The following MINK1 variants were observed in gnomAD, a reference collection of about 807,000 sequenced individuals.
MINK1 encodes misshapen-like kinase 1.
In MINK1, 46 loss-of-function variants were observed where a neutral mutation model predicts 178.4. That is an observed-to-expected ratio of 0.26 (90% CI 0.20 to 0.33). The LOEUF (loss-of-function observed/expected upper bound fraction) is 0.33, where lower values mean the gene tolerates loss of function less well. Ranked by LOEUF, MINK1 falls within the 10% of genes least tolerant of loss-of-function variation. The pLI is 1.00. For synonymous variants in MINK1, 797 were observed against 709.7 expected (o/e 1.12, Z -1.96); for missense variants, 1,366 against 1,814.9 (o/e 0.75, Z 4.49).
chr17:4,833,490 G>C lies in MINK1; in HGVS notation c.-94G>C. 2 of 1,099,886 alleles carry C rather than the reference G, an allele frequency of 1.8e-6. No homozygotes were observed. The highest frequency in any genetic ancestry group is 2.9e-5 in the South Asian group (2 of 67,894). The allele number at this position is 1,099,886 out of a possible 1,614,324, so 68.1% of individuals were successfully genotyped here. On this transcript the variant is annotated 5_prime_UTR_variant, in exon 1 of 32. Transcript: ENST00000355280. This position sits in a 1 kb window ranked among gnomAD's most constrained non-coding sequence, Gnocchi z 4.8. ...GGGAGGCGCGGTGGAGTCCGCCCCCGGGGTTCTCCGATGGGGGAGAAGCGG... is the reference window on the plus strand; with the variant it reads ...GGGAGGCGCGGTGGAGTCCGCCCCCCGGGTTCTCCGATGGGGGAGAAGCGG...
At chr17:4,878,451 T>G (rs1967393517) in intron 2 of MINK1, 69 bp downstream of exon 2, 1 of 1,388,516 alleles carries the variant, frequency 7.2e-7, no homozygotes, top group Non-Finnish European at 9.8e-7. Context: ...TGGAAGGAAG[T>G]AGATTCCTGG....
In MINK1 at chr17:4,892,771, A is replaced by G. The variant is rs770809226; in HGVS notation, c.2311+3A>G. 9 of 1,600,374 alleles carry G rather than the reference A, an allele frequency of 5.6e-6. No individual in the cohort carries two copies. The highest frequency in any genetic ancestry group is 6.8e-6 in the Non-Finnish European group (8 of 1,173,340). ...ACTGGAGCGGAACCGCGTGGGAGGT[A>G]TGTGAGCCAGGGCTGGGCAGCCTGC... is the stretch of plus-strand genomic sequence containing the variant. On this transcript the variant is annotated splice_donor_region_variant and intron_variant, in intron 19 of 31. Transcript: ENST00000355280.
Position 4,887,538 on chromosome 17 carries a change from A to C in MINK1, c.1020-42A>C. On this transcript the variant is annotated intron_variant, in intron 11 of 31. Coordinates refer to ENST00000355280, the MANE Select transcript of MINK1 (RefSeq NM_153827.5). The surrounding 1 kb of genome is among the most constrained non-coding windows in gnomAD (Gnocchi z 7.6). ...CACGGGGTTGAGAGTGGGAACCAAC[A>C]GGGTTCTGACCCCAGTGCTTCTTTG... 6.9e-7 allele frequency: 1 copy of C among 1,453,000 alleles called. No homozygotes were observed. The highest frequency in any genetic ancestry group is 2.5e-5 in the East Asian group (1 of 39,960). 90.0% of individuals were successfully genotyped at this position (1,453,000 alleles called of 1,614,324 possible).
At chr17:4,864,963 C>T (rs545842083) in intron 1 of MINK1, among the ~76,000 whole-genome samples, 3 of 152,328 alleles carry the variant, frequency 2.0e-5, no homozygotes, top group Non-Finnish European at 4.4e-5. Context: ...TGGCACCCTG[C>T]ACTTCACAGC....
At chr17:4,860,715 C>G (rs776079282) in intron 1 of MINK1, 2 of 519,970 alleles carry the variant, frequency 3.8e-6, no homozygotes, top group Non-Finnish European at 7.7e-6. Flanking sequence ...AGCAAGGGCT[C>G]AAGGCTGGTG....
intron 1 of MINK1, among the ~76,000 whole-genome samples, chr17:4,869,892 A>G (rs917177839): frequency 1.4e-5 from 2 of 146,746 alleles, no homozygotes; most frequent in African/African-American, 5.0e-5. Flanking sequence ...GCTGGGGTGC[A>G]GTGGCGCAAT....
intron 1 of MINK1, among the ~76,000 whole-genome samples, chr17:4,853,879 C>T (rs1912603574): frequency 2.0e-5 from 3 of 152,024 alleles, no homozygotes; most frequent in Admixed American, 1.3e-4. Flanking sequence ...ACCTCCGCTG[C>T]CTGAAAGACT....
chr17:4,879,635 C>T (rs1453928817), intron 2 of MINK1, among the ~76,000 whole-genome samples: 1 of 152,200 alleles, frequency 6.6e-6, no homozygotes, highest in Admixed American at 6.5e-5. Flanking sequence ...TGCTCGTCCC[C>T]AGGAAGCCTT....
chr17:4,894,492 C>G lies in MINK1; in HGVS notation c.2809-33C>G. Reference sequence around the variant, plus strand: ...GGGCAGGGCCGCAGCTGGACTTGCACTTGTTTGCCTGACTGCTGTCCCCCT... The same window carrying G: ...GGGCAGGGCCGCAGCTGGACTTGCAGTTGTTTGCCTGACTGCTGTCCCCCT... On this transcript the variant is annotated intron_variant, in intron 23 of 31. Coordinates refer to ENST00000355280, the MANE Select transcript of MINK1 (RefSeq NM_153827.5). This position sits in a 1 kb window ranked among gnomAD's most constrained non-coding sequence, Gnocchi z 4.1. The G allele has an allele frequency of 6.4e-7, 1 of 1,557,154 alleles. No individual in the cohort carries two copies. The highest frequency in any genetic ancestry group is 1.2e-5 in the South Asian group (1 of 85,120).
Position 4,887,269 on chromosome 17 carries a change from G to C in MINK1, c.1019+90G>C. ...CTTGGCTTTGGGGACTCTCAGCCTG[G>C]GGGTGGTGGGCACAGAGAGGTAGAG... On this transcript the variant is annotated intron_variant, in intron 11 of 31. Coordinates refer to ENST00000355280, the MANE Select transcript of MINK1 (RefSeq NM_153827.5). The surrounding 1 kb of genome is among the most constrained non-coding windows in gnomAD (Gnocchi z 7.6). 7.5e-7 allele frequency: 1 copy of C among 1,339,284 alleles called. No individual in the cohort carries two copies. The highest frequency in any genetic ancestry group is 1.0e-6 in the Non-Finnish European group (1 of 957,866). 83.0% of individuals were successfully genotyped at this position (1,339,284 alleles called of 1,614,324 possible). A position where few individuals can be genotyped will look rare whatever the true frequency, so the allele number is the denominator to read the frequency against.
chr17:4,882,397 T>C (rs1480557721), intron 4 of MINK1, among the ~76,000 whole-genome samples: 1 of 152,218 alleles, frequency 6.6e-6, no homozygotes, highest in African/African-American at 2.4e-5. Flanking sequence ...CTGCTCTCCC[T>C]GGGAGGTGCA....
Position 4,896,220 on chromosome 17 carries a change from C to T in MINK1, c.3493C>T (p.Leu1165=), listed in dbSNP as rs779961283. 5 of 1,601,524 alleles carry T rather than the reference C, an allele frequency of 3.1e-6. No individual in the cohort carries two copies. The African/African-American group carries it at 6.7e-5, about 21-fold the overall frequency. ...CTTTGCCGACCTCCCCCACCGCCCT[C>T]TGCTGGTCGACCTGACAGTAGAGGA... The part of the protein sequence containing the change: ...KSFADLPHRP[L]LVDLTVEEGQ... The change falls in exon 29 of 32, where the codon CTG becomes TTG. Residue 1165 remains leucine, a synonymous_variant. Transcript: ENST00000355280. This position sits in a 1 kb window ranked among gnomAD's most constrained non-coding sequence, Gnocchi z 4.6.
At chr17:4,893,688 C>G (rs1969116251) in intron 21 of MINK1, 91 bp downstream of exon 21, 1 of 1,441,656 alleles carries the variant, frequency 6.9e-7, no homozygotes, top group Admixed American at 2.8e-5. Flanking sequence ...TGGGGCAAGT[C>G]TGAGGGAGAG....
rs1222104053 is a variant in MINK1 at position 4,897,961 on chromosome 17, G to A, written c.*674G>A. The A allele has an allele frequency of 1.4e-5, 2 of 138,474 alleles. No individual in the cohort carries two copies. Among genetic ancestry groups the A allele is most frequent in the Non-Finnish European group, 3.0e-5 (2 of 66,558 alleles). The allele number at this position is 138,474 out of a possible 1,614,324, so 8.6% of individuals were successfully genotyped here. ...CCTTGCTTGCATCTGTATATAGTGTGAGCAGCAAGTAACCCTTCTCCCTCC... is the reference window on the plus strand; with the variant it reads ...CCTTGCTTGCATCTGTATATAGTGTAAGCAGCAAGTAACCCTTCTCCCTCC... On this transcript the variant is annotated 3_prime_UTR_variant, in exon 32 of 32. Transcript: ENST00000355280.
At position 4,869,242 on chromosome 17, in the gene MINK1, A is replaced by G. The variant is rs144759087; in HGVS notation, c.58-9075A>G. Among the ~76,000 whole-genome samples, 8 of 144,764 alleles carry G rather than the reference A, an allele frequency of 5.5e-5. No individual in the cohort carries two copies. The South Asian group carries it at 1.7e-3, about 31-fold the overall frequency. The allele number at this position is 144,764 out of a possible 152,430, so 95.0% of individuals were successfully genotyped here. A position where few individuals can be genotyped will look rare whatever the true frequency, so the allele number is the denominator to read the frequency against. On this transcript the variant is annotated intron_variant, in intron 1 of 31. Transcript: ENST00000355280. ...CCCGGCCTAATTTTTTAATTTTTAA[A>G]TTATTATTTATTTATTTATTTATTT... is the stretch of plus-strand genomic sequence containing the variant.
In MINK1 at chr17:4,885,966, G is replaced by A. The variant is rs2151015526; in HGVS notation, c.694+1G>A. ...ATCGAGATGGCAGAGGGAGCCCCCCGTAAGTTCTGAGTCTGCCGGGAGTGG... is the reference window on the plus strand; with the variant it reads ...ATCGAGATGGCAGAGGGAGCCCCCCATAAGTTCTGAGTCTGCCGGGAGTGG... On this transcript the variant is annotated splice_donor_variant, in intron 8 of 31. Transcript: ENST00000355280. LOFTEE classifies it high-confidence loss of function. The surrounding 1 kb of genome is among the most constrained non-coding windows in gnomAD (Gnocchi z 5.0). 6.2e-7 allele frequency: 1 copy of A among 1,613,810 alleles called. No individual in the cohort carries two copies. The highest frequency in any genetic ancestry group is 8.5e-7 in the Non-Finnish European group (1 of 1,179,776).
At position 4,894,373 on chromosome 17, in the gene MINK1, C is replaced by G; in HGVS notation, c.2808+62C>G. On this transcript the variant is annotated intron_variant, in intron 23 of 31. Coordinates refer to ENST00000355280, the MANE Select transcript of MINK1 (RefSeq NM_153827.5). The surrounding 1 kb of genome is among the most constrained non-coding windows in gnomAD (Gnocchi z 4.1). ...AGCCCTGGCGATGGGCAGGAGGTCC[C>G]GGTGCTGGGTAACGGCAGAGGATGG... 1.3e-6 allele frequency: 2 copies of G among 1,574,710 alleles called. No individual in the cohort carries two copies. Among genetic ancestry groups the G allele is most frequent in the South Asian group, 1.2e-5 (1 of 85,960 alleles).
chr17:4,852,186 A>C (rs1334410440), intron 1 of MINK1, among the ~76,000 whole-genome samples: 1 of 152,154 alleles, frequency 6.6e-6, no homozygotes, highest in African/African-American at 2.4e-5. Context: ...AGATAATCCA[A>C]AACTAGTGTG....
In MINK1 at chr17:4,887,279, G is replaced by A. The variant is rs538162215; in HGVS notation, c.1019+100G>A. 2.5e-4 allele frequency: 311 copies of A among 1,256,488 alleles called. No homozygotes were observed. Among genetic ancestry groups the A allele is most frequent in the Non-Finnish European group, 5.0e-5 (44 of 885,544 alleles). The allele number at this position is 1,256,488 out of a possible 1,614,324, so 77.8% of individuals were successfully genotyped here. On this transcript the variant is annotated intron_variant, in intron 11 of 31. Transcript: ENST00000355280. This position sits in a 1 kb window ranked among gnomAD's most constrained non-coding sequence, Gnocchi z 7.6. ...GGGACTCTCAGCCTGGGGGTGGTGG[G>A]CACAGAGAGGTAGAGACTCCTGGAA...
Sources: gnomAD v4.1 joint callset for allele counts (sites outside exome capture counted in the v4.1 genomes callset) on GRCh38, gnomAD v4.1.1 for gene constraint, Gnocchi (gnomAD v3.1) non-coding constraint, MANE v1.5 for transcripts, NCBI Gene and HGNC (gene_info 2026-07-23, HGNC 2026-07-21) for gene names.